Variants in ETHE1 observed in about 807,000 individuals in gnomAD.
The protein encoded by ETHE1 is ETHE1 persulfide dioxygenase, also known as persulfide dioxygenase ETHE1, mitochondrial.
In ETHE1, 16 loss-of-function variants were observed where a neutral mutation model predicts 25.7. That is an observed-to-expected ratio of 0.62 (90% CI 0.42 to 0.95). The LOEUF (loss-of-function observed/expected upper bound fraction) is 0.95, where lower values mean the gene tolerates loss of function less well. ETHE1 is among the 40% of genes least tolerant of loss of function. ETHE1 has a pLI of 0.00. For missense variants in ETHE1, 300 were observed against 333.6 expected, an observed-to-expected ratio of 0.90 and a Z score of 0.79; for synonymous variants, 139 against 135.9, an observed-to-expected ratio of 1.02 and a Z score of -0.16.
rs12973764 is a variant in ETHE1, at chr19:43,519,001, T to G, written c.375+7200A>C. On this transcript the variant is annotated intron_variant, in intron 3 of 6. Transcript: ENST00000292147. The stretch of plus-strand genomic sequence containing the variant: ...GATGGCTGATGAAATTTGTGCTTGT[T>G]TTTTTTTTTTTTTTTTTTTTTTTTT... 9.5e-3 allele frequency among the ~76,000 whole-genome samples: 426 copies of G among 45,024 alleles called. 14 individuals carry two copies. Among genetic ancestry groups the G allele is most frequent in the Middle Eastern group, 0.013 (2 of 152 alleles). The allele number at this position is 45,024 out of a possible 152,430, so 29.5% of individuals were successfully genotyped here.
chr19:43,507,996 C>T lies in ETHE1; in HGVS notation c.660G>A (p.Glu220=), dbSNP rs1477432797. The part of the protein sequence containing the change: ...TLNPRLTLSC[E]EFVKIMGNLN... ...GGTTGCCCATGATTTTGACAAACTC[C>T]TCACAGCTGAGGGTGAGCCGAGGGT... The change falls in exon 6 of 7, where the codon GAG becomes GAA. Residue 220 remains glutamate (E), a synonymous_variant. Coordinates refer to ENST00000292147, the MANE Select transcript of ETHE1 (RefSeq NM_014297.5). 1.2e-6 allele frequency: 2 copies of T among 1,614,182 alleles called. No homozygotes were observed. The highest frequency in any genetic ancestry group is 1.7e-6 in the Non-Finnish European group (2 of 1,180,032).
At chr19:43,523,851 G>C (rs1055448753) in intron 3 of ETHE1, among the ~76,000 whole-genome samples, 1 of 151,442 alleles carries the variant, frequency 6.6e-6, no homozygotes, top group African/African-American at 2.4e-5. Flanking sequence ...CAGCAGAATC[G>C]CTTGCGCTCA....
At chr19:43,526,961 C>T in intron 1 of ETHE1, 136 bp downstream of exon 1, 1 of 1,527,498 alleles carries the variant, frequency 6.5e-7, no homozygotes, top group Non-Finnish European at 8.8e-7. Context: ...AGAGTCCAGC[C>T]CTAAACCTCC....
chr19:43,526,681 G>A, intron 1 of ETHE1, 22 bp from the exon 2 acceptor site: 3 of 1,612,684 alleles, frequency 1.9e-6, no homozygotes, highest in South Asian at 1.1e-5. Context: ...GGACCCAGGT[G>A]AGGGCGCAGA....
chr19:43,526,222 G>T lies in ETHE1; in HGVS notation c.354C>A (p.Asp118Glu). The T allele has an allele frequency of 6.2e-7, 1 of 1,614,168 alleles. No individual in the cohort carries two copies. Among genetic ancestry groups the T allele is most frequent in the South Asian group, 1.1e-5 (1 of 91,080 alleles). Reference protein sequence around the residue: ...AQADLHIEDGDSIRFGRFALE... With the variant: ...AQADLHIEDGESIRFGRFALE... ...TCACGAAGCGCCCGAAGCGGATGGA[G>T]TCTCCATCCTCAATGTGTAAGTCAG... The change falls in exon 3 of 7, where the codon GAC (aspartate) becomes GAA (glutamate). Residue 118 changes from aspartate to glutamate, a missense_variant. Asp to Glu is a conservative substitution (Grantham distance 45). Transcript: ENST00000292147.
intron 3 of ETHE1, among the ~76,000 whole-genome samples, chr19:43,516,002 T>C: frequency 6.6e-6 from 1 of 152,132 alleles, no homozygotes. Flanking sequence ...TGGGATGGTG[T>C]GAGATTTTAT....
chr19:43,524,480 G>A (rs1292023527), intron 3 of ETHE1, among the ~76,000 whole-genome samples: 2 of 151,756 alleles, frequency 1.3e-5, no homozygotes, highest in African/African-American at 4.8e-5. Flanking sequence ...TCTTTTTGGA[G>A]TAATGGAAAC....
rs1972241147 is a variant in ETHE1 at position 43,526,204 on chromosome 19, G to A, written c.372C>T (p.Arg124=). 6.2e-7 allele frequency: 1 copy of A among 1,614,060 alleles called. No homozygotes were observed. ...GGGGACCCAGCACCCAACTCACGAA[G>A]CGCCCGAAGCGGATGGAGTCTCCAT... ...IEDGDSIRFG[R]FALETRASPG... Residue 124 remains arginine (R), a synonymous_variant, in exon 3 of 7, where the codon CGC becomes CGT. Transcript: ENST00000292147.
chr19:43,512,236 A>C (rs1971932818), intron 3 of ETHE1, among the ~76,000 whole-genome samples: 1 of 152,208 alleles, frequency 6.6e-6, no homozygotes, highest in Admixed American at 6.6e-5. Context: ...AGATGTGAAA[A>C]TGTGACTTTG....
chr19:43,508,096 T>G lies in ETHE1; in HGVS notation c.596-36A>C, dbSNP rs374400582. The G allele has an allele frequency of 1.3e-5, 21 of 1,610,814 alleles. No homozygotes were observed. In the African/African-American group the frequency reaches 2.8e-4, roughly 22 times the overall value. On this transcript the variant is annotated intron_variant, in intron 5 of 6. Transcript: ENST00000292147. ...AGGGAGGGGAAGGAAAGTCAAGGAG[T>G]CTAGTGCCTCAGGCCTCTCAGAACT...
intron 4 of ETHE1, among the ~76,000 whole-genome samples, chr19:43,510,642 T>G (rs1482777642): frequency 6.6e-6 from 1 of 151,638 alleles, no homozygotes; most frequent in African/African-American, 2.4e-5. Flanking sequence ...CCTTTGTTTT[T>G]TTTTTTTTTT....
Position 43,511,505 on chromosome 19 carries a change from T to C in ETHE1, c.437A>G (p.Asp146Gly). ...ATCTCCAGTGAAGGCCATGCTGTGG[T>C]CATTCAGGACGAAGGTGACACAGCC... Reference protein sequence around the residue: ...TPGCVTFVLNDHSMAFTGDAL... With the variant: ...TPGCVTFVLNGHSMAFTGDAL... The change falls in exon 4 of 7, where the codon GAC becomes GGC. Residue 146 changes from aspartate (D) to glycine (G), a missense_variant. By Grantham distance (94) the Asp-to-Gly change is moderately conservative. Transcript: ENST00000292147. The C allele has an allele frequency of 6.2e-7, 1 of 1,614,120 alleles. No individual in the cohort carries two copies. Among genetic ancestry groups the C allele is most frequent in the Non-Finnish European group, 8.5e-7 (1 of 1,180,028 alleles).
At chr19:43,512,302 A>C (rs1228343090) in intron 3 of ETHE1, among the ~76,000 whole-genome samples, 1 of 152,204 alleles carries the variant, frequency 6.6e-6, no homozygotes, top group African/African-American at 2.4e-5. Flanking sequence ...AGAAGACAGA[A>C]AAATGTGGGA....
At position 43,512,480 on chromosome 19, in the gene ETHE1, T is replaced by C. The variant is rs1971936360; in HGVS notation, c.376-914A>G. 2.6e-5 allele frequency among the ~76,000 whole-genome samples: 4 copies of C among 152,236 alleles called. No homozygotes were observed. The South Asian group carries it at 8.3e-4, about 32-fold the overall frequency. On this transcript the variant is annotated intron_variant, in intron 3 of 6. Transcript: ENST00000292147. ...GTGTTAGCAAAGAGACTGGCAGCATTTTGCCCCTGCCCTAGAGATCTGTGG... is the reference window on the plus strand; with the variant it reads ...GTGTTAGCAAAGAGACTGGCAGCATCTTGCCCCTGCCCTAGAGATCTGTGG...
At chr19:43,519,224 C>G (rs571407242) in intron 3 of ETHE1, among the ~76,000 whole-genome samples, 1 of 151,914 alleles carries the variant, frequency 6.6e-6, no homozygotes, top group South Asian at 2.1e-4. Flanking sequence ...GTTGGCCAGG[C>G]TGATCTCAAA....
At chr19:43,522,411 C>A (rs1338083480) in intron 3 of ETHE1, among the ~76,000 whole-genome samples, 1 of 152,124 alleles carries the variant, frequency 6.6e-6, no homozygotes, top group Admixed American at 6.5e-5. Flanking sequence ...GGCAATAGAA[C>A]AAGAGCCTGT....
intron 4 of ETHE1, among the ~76,000 whole-genome samples, chr19:43,509,369 T>C (rs111546088): frequency 1.3e-5 from 2 of 151,910 alleles, no homozygotes; most frequent in Admixed American, 6.6e-5. Flanking sequence ...TGGTGACCCA[T>C]GCCTGTAATC....
chr19:43,507,348 G>T (rs1268779380), intron 6 of ETHE1, among the ~76,000 whole-genome samples: 1 of 84,766 alleles, frequency 1.2e-5, no homozygotes, highest in Non-Finnish European at 2.4e-5. Flanking sequence ...AGGAGCCCAG[G>T]TCCCCAGTCC....
At chr19:43,510,486 C>G (rs993816864) in intron 4 of ETHE1, among the ~76,000 whole-genome samples, 1 of 151,930 alleles carries the variant, frequency 6.6e-6, no homozygotes, top group Admixed American at 6.6e-5. Flanking sequence ...AGGCACCCAC[C>G]ACCATGGCCA....
Sources: gnomAD v4.1 joint callset for allele counts (sites outside exome capture counted in the v4.1 genomes callset) on GRCh38, gnomAD v4.1.1 for gene constraint, MANE v1.5 for transcripts, NCBI Gene and HGNC (gene_info 2026-07-23, HGNC 2026-07-21) for gene names.